NAALADL2: variants seen among roughly 807,000 people sequenced by gnomAD.
NAALADL2 encodes N-acetylated alpha-linked acidic dipeptidase like 2.
Under a neutral mutation model 87.2 loss-of-function variants are expected in NAALADL2, and 76 were observed. The observed-to-expected ratio is 0.87, with a 90% CI of 0.72 to 1.05. NAALADL2 has a LOEUF of 1.05. Among genes scored for constraint, NAALADL2 ranks in the 50% least tolerant of loss-of-function variants. The pLI is 0.00. For synonymous variants in NAALADL2, 354 were observed against 331.0 expected, an observed-to-expected ratio of 1.07 and a Z score of -0.75; for missense variants, 1,089 against 945.8, an observed-to-expected ratio of 1.15 and a Z score of -1.99.
rs1046890005 is a variant in NAALADL2, at chr3:175,495,319, TTAAGA to T, written c.1653+23566_1653+23570del. 2.1e-4 allele frequency among the ~76,000 whole-genome samples: 32 copies of T among 152,024 alleles called. 1 individual carries two copies. The highest frequency in any genetic ancestry group is 6.5e-4 in the African/African-American group (27 of 41,404). ...CTGGTAATATTTTTATTTGTTCAACTTAAGATAAGGCTCACTCCATCCTGCACTAT... is the reference window on the plus strand; with the variant it reads ...CTGGTAATATTTTTATTTGTTCAACTTAAGGCTCACTCCATCCTGCACTAT... On this transcript the variant is annotated intron_variant, in intron 9 of 13. Coordinates refer to ENST00000454872, the MANE Select transcript of NAALADL2 (RefSeq NM_207015.3).
Position 175,275,015 on chromosome 3 carries a change from C to T in NAALADL2, c.939+18485C>T, listed in dbSNP as rs180753474. Among the ~76,000 whole-genome samples, 1,195 of 152,224 alleles carry T rather than the reference C, an allele frequency of 7.9e-3. 9 individuals carry two copies. The highest frequency in any genetic ancestry group is 9.7e-3 in the Non-Finnish European group (662 of 68,006). On this transcript the variant is annotated intron_variant, in intron 4 of 13. Coordinates refer to ENST00000454872, the MANE Select transcript of NAALADL2 (RefSeq NM_207015.3). ...TGTGAAACACCAGCTATTTCTGACT[C>T]ATTATTTCACCTTATTATCTGAATT...
At chr3:175,038,738 A>G (rs1327265476) in intron 1 of NAALADL2, among the ~76,000 whole-genome samples, 1 of 152,158 alleles carries the variant, frequency 6.6e-6, no homozygotes, top group Non-Finnish European at 1.5e-5. Flanking sequence ...ATCTGGGTTT[A>G]GCACGTAATA....
chr3:175,662,571 C>T (rs1732414321), intron 11 of NAALADL2, among the ~76,000 whole-genome samples: 1 of 151,884 alleles, frequency 6.6e-6, no homozygotes, highest in African/African-American at 2.4e-5. Context: ...TGTTCCTGAT[C>T]TTAATGAAAA....
At chr3:175,398,276 T>C (rs1770070853) in intron 5 of NAALADL2, among the ~76,000 whole-genome samples, 1 of 150,986 alleles carries the variant, frequency 6.6e-6, no homozygotes, top group South Asian at 2.1e-4. Flanking sequence ...GCCCCAGACT[T>C]GACCCTCAGC....
intron 2 of NAALADL2, among the ~76,000 whole-genome samples, chr3:175,203,093 C>T (rs980787000): frequency 1.3e-5 from 2 of 152,126 alleles, no homozygotes; most frequent in Non-Finnish European, 2.9e-5. Flanking sequence ...TCTTCCCACA[C>T]CTATGGAGTC....
chr3:174,864,099 G>A (rs1323340868), intron 1 of NAALADL2: 5 of 454,988 alleles, frequency 1.1e-5, no homozygotes, highest in African/African-American at 2.0e-5. Flanking sequence ...AGGTGAGTCT[G>A]ACCTAAATGA....
chr3:175,148,091 GATAATAATA>G (rs777779002), intron 2 of NAALADL2, among the ~76,000 whole-genome samples: 29 of 110,744 alleles, frequency 2.6e-4, no homozygotes, highest in South Asian at 1.2e-3. Flanking sequence ...TAATGATAAT[GATAATAATA>G]ATAATAATAA....
At chr3:175,555,918 A>C (rs1326593222) in intron 9 of NAALADL2, among the ~76,000 whole-genome samples, 2 of 152,170 alleles carry the variant, frequency 1.3e-5, no homozygotes, top group Non-Finnish European at 2.9e-5. Context: ...AACTGAATTG[A>C]CTTTCCAAAA....
intron 2 of NAALADL2, among the ~76,000 whole-genome samples, chr3:174,616,783 A>G (rs1345984322): frequency 6.6e-6 from 1 of 151,878 alleles, no homozygotes; most frequent in African/African-American, 2.4e-5. Flanking sequence ...AGATATTTGA[A>G]TGTAATATAA....
At chr3:175,704,555 T>C (rs1739416423) in intron 11 of NAALADL2, among the ~76,000 whole-genome samples, 1 of 152,196 alleles carries the variant, frequency 6.6e-6, no homozygotes, top group Admixed American at 6.6e-5. Context: ...CTTTGCCCTC[T>C]GAATTCCTTT....
At chr3:174,987,741 C>G (rs1011799024) in intron 1 of NAALADL2, among the ~76,000 whole-genome samples, 2 of 146,056 alleles carry the variant, frequency 1.4e-5, no homozygotes, top group Admixed American at 6.8e-5. Flanking sequence ...ATCCTCCTCC[C>G]TCAGCCTTCT....
intron 2 of NAALADL2, among the ~76,000 whole-genome samples, chr3:174,695,431 C>T (rs906582123): frequency 3.9e-5 from 6 of 151,916 alleles, no homozygotes; most frequent in African/African-American, 1.4e-4. Flanking sequence ...TTTGATATAA[C>T]CAGTAACTCT....
chr3:175,414,873 G>T (rs1039388668), intron 5 of NAALADL2, among the ~76,000 whole-genome samples: 8 of 152,086 alleles, frequency 5.3e-5, no homozygotes, highest in Non-Finnish European at 1.0e-4. Flanking sequence ...AAGACAAAAA[G>T]ATATGAGAAG....
At chr3:174,570,668 T>A (rs1714826244) in intron 2 of NAALADL2, among the ~76,000 whole-genome samples, 1 of 152,180 alleles carries the variant, frequency 6.6e-6, no homozygotes, top group Non-Finnish European at 1.5e-5. Context: ...TTAAGTAGGA[T>A]CCCTTGTATT....
chr3:174,605,947 G>A (rs1447227619), intron 2 of NAALADL2, among the ~76,000 whole-genome samples: 2 of 152,126 alleles, frequency 1.3e-5, no homozygotes, highest in South Asian at 4.1e-4. Flanking sequence ...CACCTCACAT[G>A]GCCGGATACT....
chr3:174,852,391 A>G (rs1184375703), intron 3 of NAALADL2, among the ~76,000 whole-genome samples: 2 of 152,208 alleles, frequency 1.3e-5, no homozygotes, highest in Non-Finnish European at 2.9e-5. Flanking sequence ...CGAAGTTAAC[A>G]TACAAATTCA....
chr3:175,105,350 C>T (rs1050807244), intron 2 of NAALADL2, among the ~76,000 whole-genome samples: 3 of 151,858 alleles, frequency 2.0e-5, no homozygotes, highest in Non-Finnish European at 4.4e-5. Flanking sequence ...TACAGATCTT[C>T]TTGATAAGGC....
At chr3:174,528,133 T>A (rs1014171107) in intron 1 of NAALADL2, among the ~76,000 whole-genome samples, 7 of 152,200 alleles carry the variant, frequency 4.6e-5, no homozygotes, top group African/African-American at 1.7e-4. Context: ...AATTCACACA[T>A]AGGAGCTTTC....
intron 1 of NAALADL2, among the ~76,000 whole-genome samples, chr3:174,965,644 A>G (rs1023753018): frequency 9.8e-5 from 15 of 152,298 alleles, no homozygotes; most frequent in African/African-American, 1.9e-4. Flanking sequence ...AAGGAAAAAA[A>G]CAACATGAAG....
Sources: gnomAD v4.1 joint callset for allele counts (sites outside exome capture counted in the v4.1 genomes callset) on GRCh38, gnomAD v4.1.1 for gene constraint, MANE v1.5 for transcripts, NCBI Gene and HGNC (gene_info 2026-07-23, HGNC 2026-07-21) for gene names.